The following VRK2 variants were observed in gnomAD, a reference collection of about 807,000 sequenced individuals.
The protein encoded by VRK2 is serine/threonine-protein kinase VRK2.
VRK2 carries 60 observed loss-of-function variants against 57.6 expected under a neutral mutation model. The ratio of observed to expected loss-of-function variants is 1.04; its 90% CI spans 0.85 to 1.29. VRK2 has a LOEUF of 1.29. VRK2 is among the 50% of genes most tolerant of loss of function. The pLI, the probability that VRK2 is intolerant of heterozygous loss-of-function variation, is 0.00. For synonymous variants in VRK2, 231 were observed against 199.2 expected, an observed-to-expected ratio of 1.16 and a Z score of -1.35; for missense variants, 705 against 588.1, an observed-to-expected ratio of 1.20 and a Z score of -2.06.
intron 9 of VRK2, 151 bp downstream of exon 9, chr2:58,132,079 A>C (rs1430416639): frequency 3.4e-6 from 3 of 870,312 alleles, no homozygotes; most frequent in Non-Finnish European, 5.0e-6. Flanking sequence ...AAAAAAACCA[A>C]ACAACTAACA....
At chr2:58,108,785 C>T (rs1675129139) in intron 7 of VRK2, among the ~76,000 whole-genome samples, 1 of 152,156 alleles carries the variant, frequency 6.6e-6, no homozygotes, top group South Asian at 2.1e-4. Flanking sequence ...TGTGCTTATG[C>T]CATCTCCCTT....
intron 12 of VRK2, chr2:58,147,095 C>T (rs1216726782): frequency 1.0e-5 from 5 of 497,066 alleles, no homozygotes; most frequent in East Asian, 5.5e-5. Flanking sequence ...AGGTAGTTTA[C>T]AGTATGAAAC....
chr2:58,093,402 C>A (rs1672653026), intron 7 of VRK2, among the ~76,000 whole-genome samples: 1 of 152,060 alleles, frequency 6.6e-6, no homozygotes, highest in Admixed American at 6.6e-5. Flanking sequence ...ATTTGCATTT[C>A]TCTGATGGCC....
chr2:58,035,264 T>C (rs999332571), intron 3 of VRK2, among the ~76,000 whole-genome samples: 1 of 152,054 alleles, frequency 6.6e-6, no homozygotes, highest in African/African-American at 2.4e-5. Flanking sequence ...ATTGGACATT[T>C]CAATGGGAAT....
intron 1 of VRK2, among the ~76,000 whole-genome samples, chr2:58,009,587 G>A (rs781403035): frequency 6.7e-6 from 1 of 150,358 alleles, no homozygotes; most frequent in Non-Finnish European, 1.5e-5. Context: ...CACACCTTGC[G>A]TTGTATCCAC....
chr2:58,159,837 A>T lies in VRK2; in HGVS notation c.*144A>T, dbSNP rs536835374. 2.5e-6 allele frequency: 4 copies of T among 1,609,326 alleles called. No homozygotes were observed. Among genetic ancestry groups the T allele is most frequent in the Non-Finnish European group, 3.4e-6 (4 of 1,178,430 alleles). Reference sequence around the variant, plus strand: ...GAACATATTTTAACAAAGTTTGTGGACACTCTAAAAAATAAAATTGCTTTG... The same window carrying T: ...GAACATATTTTAACAAAGTTTGTGGTCACTCTAAAAAATAAAATTGCTTTG... On this transcript the variant is annotated 3_prime_UTR_variant, in exon 13 of 13. Coordinates refer to ENST00000340157, the MANE Select transcript of VRK2 (RefSeq NM_006296.7).
chr2:57,996,029 C>G (rs548629136), intron 1 of VRK2, among the ~76,000 whole-genome samples: 1 of 152,242 alleles, frequency 6.6e-6, no homozygotes, highest in South Asian at 2.1e-4. Flanking sequence ...AAAAACAATA[C>G]AGTGCAACAA....
At chr2:57,965,562 T>A (rs1671890982) in intron 1 of VRK2, among the ~76,000 whole-genome samples, 1 of 152,134 alleles carries the variant, frequency 6.6e-6, no homozygotes, top group Non-Finnish European at 1.5e-5. Flanking sequence ...ATGAATTTGC[T>A]TCTCAGGTTT....
intron 1 of VRK2, among the ~76,000 whole-genome samples, chr2:57,911,369 G>A (rs1669980572): frequency 6.6e-6 from 1 of 152,024 alleles, no homozygotes; most frequent in Admixed American, 6.6e-5. Context: ...ACCCTTTTTG[G>A]AGAGTCACAG....
At chr2:57,945,527 T>C (rs558842150) in intron 1 of VRK2, among the ~76,000 whole-genome samples, 43 of 152,204 alleles carry the variant, frequency 2.8e-4, no homozygotes, top group Non-Finnish European at 5.1e-4. Context: ...AAATATATTT[T>C]AAATTCTCAT....
chr2:58,009,633 G>T, intron 1 of VRK2, among the ~76,000 whole-genome samples: 1 of 150,312 alleles, frequency 6.7e-6, no homozygotes, highest in South Asian at 2.1e-4. Context: ...TTTTCTACAG[G>T]GTCAGTTCTA....
chr2:58,016,898 T>C (rs911178900), intron 1 of VRK2, among the ~76,000 whole-genome samples: 7 of 152,200 alleles, frequency 4.6e-5, no homozygotes, highest in Non-Finnish European at 1.0e-4. Context: ...TTCATTTGAC[T>C]GGCGAATTTT....
At chr2:58,105,557 A>G (rs981062399) in intron 7 of VRK2, among the ~76,000 whole-genome samples, 9 of 151,776 alleles carry the variant, frequency 5.9e-5, no homozygotes, top group South Asian at 2.1e-4. Context: ...ATGTTTTCTA[A>G]AACCCAGATG....
At chr2:57,923,004 A>C (rs1449307389) in intron 1 of VRK2, among the ~76,000 whole-genome samples, 1 of 152,078 alleles carries the variant, frequency 6.6e-6, no homozygotes, top group Non-Finnish European at 1.5e-5. Context: ...TATTTCACTT[A>C]ACTTAATGTC....
At chr2:58,158,699 T>C (rs1037029424) in intron 12 of VRK2, among the ~76,000 whole-genome samples, 1 of 152,162 alleles carries the variant, frequency 6.6e-6, no homozygotes, top group Non-Finnish European at 1.5e-5. Context: ...TCCTGGGACT[T>C]TGGCCAACAG....
chr2:58,072,001 A>G (rs1277694948), intron 2 of VRK2, among the ~76,000 whole-genome samples: 2 of 151,894 alleles, frequency 1.3e-5, no homozygotes, highest in East Asian at 1.9e-4. Context: ...TGTTATATTT[A>G]TAACTAAGTG....
At chr2:57,988,327 TC>T (rs1672663385) in intron 1 of VRK2, among the ~76,000 whole-genome samples, 1 of 152,192 alleles carries the variant, frequency 6.6e-6, no homozygotes. Flanking sequence ...CAGCAATGAG[TC>T]AAGTCCTATG....
chr2:57,955,479 C>A (rs899622306), intron 1 of VRK2, among the ~76,000 whole-genome samples: 1 of 152,138 alleles, frequency 6.6e-6, no homozygotes, highest in African/African-American at 2.4e-5. Context: ...GTATTATCAT[C>A]AGATTTGCTG....
Position 58,048,980 on chromosome 2 carries a change from C to G in VRK2, c.136+13C>G, listed in dbSNP as rs79238281. 5,771 of 1,606,346 alleles carry G rather than the reference C, an allele frequency of 3.6e-3. 140 individuals are homozygous for G. The African/African-American group carries it at 0.057, about 16-fold the overall frequency. ...TTGATATATTTAGGTAAAGTAAAAC[C>G]TTAAATTAACAATTATTCTTATATC... On this transcript the variant is annotated intron_variant, in intron 2 of 12. Coordinates refer to ENST00000340157, the MANE Select transcript of VRK2 (RefSeq NM_006296.7).
Sources: allele counts gnomAD v4.1 joint callset (sites outside exome capture counted in the v4.1 genomes callset), GRCh38; gene constraint gnomAD v4.1.1; transcripts MANE v1.5; gene names NCBI Gene and HGNC (gene_info 2026-07-23, HGNC 2026-07-21).